Variants in CUL2 observed in about 807,000 individuals in gnomAD.
CUL2 encodes the protein cullin-2.
Under a neutral mutation model 110.2 loss-of-function variants are expected in CUL2, and 22 were observed. That is an observed-to-expected ratio of 0.20 (90% CI 0.14 to 0.28). The LOEUF (loss-of-function observed/expected upper bound fraction) is 0.28, where lower values mean the gene tolerates loss of function less well. CUL2 is among the 10% of genes least tolerant of loss of function. The pLI, the probability that CUL2 is intolerant of heterozygous loss-of-function variation, is 1.00. For missense variants in CUL2, 631 were observed against 905.5 expected, an observed-to-expected ratio of 0.70 and a Z score of 3.89; for synonymous variants, 279 against 293.2, an observed-to-expected ratio of 0.95 and a Z score of 0.49.
chr10:35,095,194 C>T (rs993436699), upstream of CUL2, among the ~76,000 whole-genome samples: 19 of 151,824 alleles, frequency 1.3e-4, no homozygotes, highest in African/African-American at 4.4e-4. Flanking sequence ...CATAGTGCTG[C>T]ATGCCTGAAA....
chr10:35,016,398 C>T lies in CUL2; in HGVS notation c.1685-4G>A. Reference sequence around the variant, plus strand: ...AAATAGTTCATTTTAACTTCACCTACAATTAAAACAAAAACTGACAGTGAA... The same window carrying T: ...AAATAGTTCATTTTAACTTCACCTATAATTAAAACAAAAACTGACAGTGAA... On this transcript the variant is annotated splice_polypyrimidine_tract_variant and splice_region_variant and intron_variant, in intron 17 of 20. Transcript: ENST00000374749. 1 of 1,584,566 alleles carries T rather than the reference C, an allele frequency of 6.3e-7. No individual in the cohort carries two copies. The highest frequency in any genetic ancestry group is 1.1e-5 in the South Asian group (1 of 87,550).
At chr10:35,123,638 G>A (rs1037747081) in intron 1 of CUL2, among the ~76,000 whole-genome samples, 8 of 152,166 alleles carry the variant, frequency 5.3e-5, no homozygotes, top group African/African-American at 1.7e-4. Context: ...TCGTTTCAAG[G>A]TGTAGAGGCA....
Position 35,035,284 on chromosome 10 carries a change from A to G in CUL2, c.890T>C (p.Met297Thr), listed in dbSNP as rs1564710242. Residue 297 changes from methionine (M) to threonine (T), a missense_variant, in exon 10 of 21, where the codon ATG becomes ACG. Transcript: ENST00000374749. Reference sequence around the variant, plus strand: ...GGACACAGCACGGAGTAAGACGTACATATTTGCCATGTCTGAGAGGAAAAA... The same window carrying G: ...GGACACAGCACGGAGTAAGACGTACGTATTTGCCATGTCTGAGAGGAAAAA... ...RQEKKNDMANMYVLLRAVSTG... is the reference protein window; with the variant it reads ...RQEKKNDMANTYVLLRAVSTG... 1.9e-6 allele frequency: 3 copies of G among 1,613,928 alleles called. No homozygotes were observed. In the South Asian group the frequency reaches 3.3e-5, roughly 18 times the overall value.
At chr10:35,020,963 G>GTTTTTTTTTTTTTTTTTTTTTTT (rs61100854) in intron 17 of CUL2, among the ~76,000 whole-genome samples, 1 of 122,544 alleles carries the variant, frequency 8.2e-6, no homozygotes, top group Non-Finnish European at 1.7e-5. Context: ...TATTTTATGG[G>GTTTTTTTTTTTTTTTTTTTTTTT]TTTTTTTTTT....
intron 14 of CUL2, among the ~76,000 whole-genome samples, chr10:35,030,759 G>A (rs2085460476): frequency 1.3e-5 from 2 of 152,128 alleles, no homozygotes; most frequent in South Asian, 4.2e-4. Flanking sequence ...TGGGTGCAGT[G>A]GTGCACACCT....
At chr10:35,117,261 A>G (rs1346771275) in intron 1 of CUL2, among the ~76,000 whole-genome samples, 1 of 152,166 alleles carries the variant, frequency 6.6e-6, no homozygotes, top group Non-Finnish European at 1.5e-5. Context: ...GGACTGGCAG[A>G]GCACTCAACT....
At chr10:35,099,945 T>G (rs1271593486) in intron 2 of CUL2, among the ~76,000 whole-genome samples, 1 of 152,116 alleles carries the variant, frequency 6.6e-6, no homozygotes, top group African/African-American at 2.4e-5. Context: ...ACTAATATAC[T>G]AAGAATTGTG....
rs376467046 is a variant in CUL2 at position 35,028,791 on chromosome 10, A to G, written c.1617+19T>C. On this transcript the variant is annotated intron_variant, in intron 16 of 20. Coordinates refer to ENST00000374749, the MANE Select transcript of CUL2 (RefSeq NM_003591.4). ...ATTAAAATTCCTTTAGTCTTCTAAT[A>G]TATTTCCTGCAAACTTACCATCTGT... 18 of 1,523,870 alleles carry G rather than the reference A, an allele frequency of 1.2e-5. No homozygotes were observed. Among genetic ancestry groups the G allele is most frequent in the Middle Eastern group, 3.4e-4 (2 of 5,860 alleles). The allele number at this position is 1,523,870 out of a possible 1,614,324, so 94.4% of individuals were successfully genotyped here. A position where few individuals can be genotyped will look rare whatever the true frequency, so the allele number is the denominator to read the frequency against.
rs181368912 is a variant in CUL2, at chr10:35,042,819, G to A, written c.714+1747C>T. 1.6e-4 allele frequency among the ~76,000 whole-genome samples: 24 copies of A among 152,246 alleles called. 1 individual carries two copies. Among genetic ancestry groups the A allele is most frequent in the African/African-American group, 4.8e-4 (20 of 41,508 alleles). ...CTAGCAAATTAATGGAACCCAAACA[G>A]TGTACTGTAGGACTTCAACTTGAAA... is the stretch of plus-strand genomic sequence containing the variant. On this transcript the variant is annotated intron_variant, in intron 8 of 20. Coordinates refer to ENST00000374749, the MANE Select transcript of CUL2 (RefSeq NM_003591.4).
At chr10:35,013,067 G>A (rs892176543) in intron 19 of CUL2, among the ~76,000 whole-genome samples, 7 of 152,244 alleles carry the variant, frequency 4.6e-5, no homozygotes, top group South Asian at 2.1e-4. Flanking sequence ...TAGGCCAGGC[G>A]CGGTGGTTCA....
At chr10:35,027,276 C>A (rs1023372684) in intron 16 of CUL2, among the ~76,000 whole-genome samples, 3 of 151,794 alleles carry the variant, frequency 2.0e-5, no homozygotes, top group African/African-American at 7.3e-5. Flanking sequence ...TCCAGAGTAG[C>A]TGGGACTACA....
chr10:35,111,752 G>C (rs183940983), intron 1 of CUL2, among the ~76,000 whole-genome samples: 3 of 152,298 alleles, frequency 2.0e-5, no homozygotes, highest in Admixed American at 2.0e-4. Context: ...GCTGGGCGTG[G>C]TGTGGCATGT....
intron 8 of CUL2, among the ~76,000 whole-genome samples, chr10:35,042,380 T>C (rs2085815412): frequency 6.6e-6 from 1 of 152,156 alleles, no homozygotes; most frequent in South Asian, 2.1e-4. Flanking sequence ...TGTAAGTACA[T>C]TGGTTTTCAT....
chr10:35,084,086 G>T (rs1039317869), intron 1 of CUL2, among the ~76,000 whole-genome samples: 1 of 152,084 alleles, frequency 6.6e-6, no homozygotes, highest in Admixed American at 6.6e-5. Context: ...AGACCAGCCT[G>T]GTCAACATGG....
At chr10:35,050,377 T>C (rs1466608034) in intron 5 of CUL2, among the ~76,000 whole-genome samples, 1 of 151,878 alleles carries the variant, frequency 6.6e-6, no homozygotes, top group African/African-American at 2.4e-5. Context: ...ACACTATAAA[T>C]GGGCTATAGA....
Position 35,073,734 on chromosome 10 carries a change from A to C in CUL2, c.-22-2395T>G, listed in dbSNP as rs1177693885. On this transcript the variant is annotated intron_variant, in intron 1 of 20. Coordinates refer to ENST00000374749, the MANE Select transcript of CUL2 (RefSeq NM_003591.4). ...ATTCTCCAGCCTCAGCCTCCCAAGT[A>C]GCTGAGATTACAGGCGTCTGCCACC... Among the ~76,000 whole-genome samples the C allele has an allele frequency of 2.0e-5, 3 of 151,706 alleles. No individual in the cohort carries two copies. In the East Asian group the frequency reaches 5.8e-4, roughly 30 times the overall value.
upstream of CUL2, among the ~76,000 whole-genome samples, chr10:35,091,497 CAT>C (rs2087202455): frequency 1.1e-4 from 17 of 152,244 alleles, no homozygotes; most frequent in South Asian, 3.5e-3. Flanking sequence ...TTTTTCCTCC[CAT>C]GTTTTCCCCC....
At chr10:35,050,149 T>C (rs1456838549) in intron 5 of CUL2, among the ~76,000 whole-genome samples, 1 of 151,906 alleles carries the variant, frequency 6.6e-6, no homozygotes, top group African/African-American at 2.4e-5. Flanking sequence ...GGCAAAACCC[T>C]GTCTCTACTA....
At chr10:35,016,454 C>A in intron 17 of CUL2, 60 bp from the exon 18 acceptor site, 1 of 1,303,324 alleles carries the variant, frequency 7.7e-7, no homozygotes, top group Non-Finnish European at 1.1e-6. Flanking sequence ...TTCAAATTTA[C>A]TTTATTTCAG....
Sources: gnomAD v4.1 joint callset for allele counts (sites outside exome capture counted in the v4.1 genomes callset) on GRCh38, gnomAD v4.1.1 for gene constraint, MANE v1.5 for transcripts, NCBI Gene and HGNC (gene_info 2026-07-23, HGNC 2026-07-21) for gene names.